Variants in SGK1 observed in about 807,000 individuals in gnomAD.
SGK1 encodes serine/threonine-protein kinase Sgk1.
Under a neutral mutation model 64.2 loss-of-function variants are expected in SGK1, and 26 were observed. That is an observed-to-expected ratio of 0.40 (90% CI 0.30 to 0.56). The LOEUF is 0.56. SGK1 is among the 20% of genes least tolerant of loss of function. The pLI, the probability that SGK1 is intolerant of heterozygous loss-of-function variation, is 0.38. For synonymous variants in SGK1, 265 were observed against 239.7 expected (o/e 1.11, Z -0.98); for missense variants, 519 against 645.6 (o/e 0.80, Z 2.12).
At chr6:134,207,053 A>G (rs141370984) in intron 3 of SGK1, among the ~76,000 whole-genome samples, 10,597 of 151,396 alleles carry the variant, frequency 0.07, 630 homozygotes, top group African/African-American at 0.17. Flanking sequence ...GTGAAACACC[A>G]TCTCTACTAA....
At position 134,204,401 on chromosome 6, in the gene SGK1, G is replaced by A. The variant is rs145168065; in HGVS notation, c.361+2955C>T. 5.1e-3 allele frequency among the ~76,000 whole-genome samples: 749 copies of A among 145,694 alleles called. 7 individuals carry two copies. The highest frequency in any genetic ancestry group is 0.018 in the African/African-American group (718 of 39,036). On this transcript the variant is annotated intron_variant, in intron 3 of 13. Coordinates refer to ENST00000367858, the MANE Select transcript of SGK1 (RefSeq NM_001143676.3). ...CTGATGAAGGAAAAGTAATAAAAACGTTTTAAAAATGAGTATGTCTATTGC... is the reference window on the plus strand; with the variant it reads ...CTGATGAAGGAAAAGTAATAAAAACATTTTAAAAATGAGTATGTCTATTGC...
chr6:134,217,308 C>T (rs1434458925), intron 2 of SGK1, among the ~76,000 whole-genome samples: 1 of 152,098 alleles, frequency 6.6e-6, no homozygotes, highest in Non-Finnish European at 1.5e-5. Flanking sequence ...CAAAGCTGTC[C>T]ACGAGCTCCA....
At chr6:134,227,288 C>A (rs922990755) in intron 2 of SGK1, among the ~76,000 whole-genome samples, 1 of 151,934 alleles carries the variant, frequency 6.6e-6, no homozygotes, top group Non-Finnish European at 1.5e-5. Context: ...GCGTCCACTA[C>A]CATGCCTGGC....
At chr6:134,258,573 C>T (rs1315539186) in intron 2 of SGK1, among the ~76,000 whole-genome samples, 6 of 152,046 alleles carry the variant, frequency 3.9e-5, no homozygotes, top group Admixed American at 1.3e-4. Flanking sequence ...GGCGTGGTGG[C>T]GGGTGCCTGT....
At chr6:134,202,282 T>C (rs1321296528) in intron 3 of SGK1, among the ~76,000 whole-genome samples, 1 of 152,158 alleles carries the variant, frequency 6.6e-6, no homozygotes, top group Non-Finnish European at 1.5e-5. Flanking sequence ...GAAATAAAGG[T>C]ATTTCCATTT....
rs527756821 is a variant in SGK1 at position 134,267,176 on chromosome 6, T to C, written c.70-5028A>G. ...AGTTATGGCCAACAAAATAAAATTT[T>C]TTTTAAATATTCTTTTTTCATGTTA... On this transcript the variant is annotated intron_variant, in intron 1 of 13. Transcript: ENST00000367858. Among the ~76,000 whole-genome samples, 3 of 152,306 alleles carry C rather than the reference T, an allele frequency of 2.0e-5. No individual in the cohort carries two copies. The East Asian group carries it at 5.8e-4, about 29-fold the overall frequency.
intron 1 of SGK1, among the ~76,000 whole-genome samples, chr6:134,302,745 GTTATTA>G (rs1303660561): frequency 6.6e-6 from 1 of 151,806 alleles, no homozygotes; most frequent in East Asian, 1.9e-4. Flanking sequence ...AGGTATTATT[GTTATTA>G]TTATTATTAT....
chr6:134,174,849 C>A, intron 3 of SGK1: 3 of 1,612,888 alleles, frequency 1.9e-6, no homozygotes, highest in Non-Finnish European at 1.7e-6. Flanking sequence ...GCTCAAAGAC[C>A]GGCTCGGCGT....
chr6:134,174,017 G>A lies in SGK1; in HGVS notation c.501C>T (p.Asn167=). The A allele has an allele frequency of 6.2e-7, 1 of 1,612,802 alleles. No individual in the cohort carries two copies. Among genetic ancestry groups the A allele is most frequent in the South Asian group, 1.1e-5 (1 of 90,974 alleles). ...QPQEPELMNA[N]PSPPPSPSQQ... ...TACAAAAACTTACTGGAGGAGAAGGGTTGGCATTCATAAGCTCAGGCTCCT... is the reference window on the plus strand; with the variant it reads ...TACAAAAACTTACTGGAGGAGAAGGATTGGCATTCATAAGCTCAGGCTCCT... Residue 167 remains asparagine (N), a synonymous_variant, in exon 5 of 14, where the codon AAC becomes AAT. Transcript: ENST00000367858.
intron 1 of SGK1, among the ~76,000 whole-genome samples, chr6:134,300,880 C>T (rs1208131779): frequency 6.6e-6 from 1 of 151,922 alleles, no homozygotes; most frequent in Non-Finnish European, 1.5e-5. Context: ...GTGATCTACC[C>T]GCCTCGGCCT....
intron 9 of SGK1, 98 bp downstream of exon 9, chr6:134,172,564 T>C: frequency 1.1e-6 from 1 of 906,340 alleles, no homozygotes; most frequent in Non-Finnish European, 1.7e-6. Context: ...GGCAACCAAG[T>C]TGCAAATAAA....
chr6:134,232,748 G>C lies in SGK1; in HGVS notation c.286-25317C>G, dbSNP rs571112896. On this transcript the variant is annotated intron_variant, in intron 2 of 13. Coordinates refer to ENST00000367858, the MANE Select transcript of SGK1 (RefSeq NM_001143676.3). ...GGCCGGTAATCCCAGCTACCTGGGA[G>C]AATGAGGCAGGGAAAATTACTTGAA... Among the ~76,000 whole-genome samples the C allele has an allele frequency of 7.9e-5, 12 of 151,518 alleles. No individual in the cohort carries two copies. In the East Asian group the frequency reaches 2.2e-3, roughly 27 times the overall value.
intron 3 of SGK1, among the ~76,000 whole-genome samples, chr6:134,199,558 CAAAAAAAAAAAA>C (rs369760659): frequency 1.2e-5 from 1 of 81,376 alleles, no homozygotes; most frequent in African/African-American, 5.0e-5. Flanking sequence ...GACTCTCTCT[CAAAAAAAAAAAA>C]AAAAAAAGAA....
chr6:134,188,946 A>G (rs1279744517), intron 3 of SGK1, among the ~76,000 whole-genome samples: 2 of 118,970 alleles, frequency 1.7e-5, no homozygotes, highest in East Asian at 2.4e-4. Context: ...GGGATCTCCT[A>G]TGTTGCCCAG....
intron 2 of SGK1, among the ~76,000 whole-genome samples, chr6:134,207,816 T>A (rs545949179): frequency 4.6e-5 from 7 of 152,360 alleles, no homozygotes; most frequent in African/African-American, 1.7e-4. Flanking sequence ...ATAAAAAGTG[T>A]TTGAATCTCC....
In SGK1 at chr6:134,170,264, G is replaced by A. The variant is rs926570043; in HGVS notation, c.*4C>T. The A allele has an allele frequency of 3.7e-6, 6 of 1,605,432 alleles. No individual in the cohort carries two copies. In the African/African-American group the frequency reaches 6.7e-5, roughly 18 times the overall value. ...AATCCTTTAAAACCAAGCCCTAACA[G>A]GGTTCAGAGGAAAGAGTCCGTGGGA... On this transcript the variant is annotated 3_prime_UTR_variant, in exon 14 of 14. Coordinates refer to ENST00000367858, the MANE Select transcript of SGK1 (RefSeq NM_001143676.3).
At chr6:134,205,160 A>G (rs143543786) in intron 3 of SGK1, among the ~76,000 whole-genome samples, 1 of 152,064 alleles carries the variant, frequency 6.6e-6, no homozygotes, top group East Asian at 1.9e-4. Flanking sequence ...TTTACATAAC[A>G]TCAAGAATCA....
intron 1 of SGK1, among the ~76,000 whole-genome samples, chr6:134,285,188 G>C (rs1343720957): frequency 6.6e-6 from 1 of 152,104 alleles, no homozygotes; most frequent in African/African-American, 2.4e-5. Flanking sequence ...GCTGGGCTCG[G>C]TGGCTCACGC....
chr6:134,206,549 A>AT (rs1775789032), intron 3 of SGK1, among the ~76,000 whole-genome samples: 2 of 151,416 alleles, frequency 1.3e-5, no homozygotes, highest in Non-Finnish European at 2.9e-5. Flanking sequence ...AAAAGAAGAC[A>AT]TAACAAAAGG....
Sources: gnomAD v4.1 joint callset for allele counts (sites outside exome capture counted in the v4.1 genomes callset) on GRCh38, gnomAD v4.1.1 for gene constraint, MANE v1.5 for transcripts, NCBI Gene and HGNC (gene_info 2026-07-23, HGNC 2026-07-21) for gene names.